The following PCSK5 variants were observed in gnomAD, a reference collection of about 807,000 sequenced individuals.
PCSK5 encodes prohormone convertase 5.
Under a neutral mutation model 233.2 loss-of-function variants are expected in PCSK5, and 129 were observed. The observed-to-expected ratio is 0.55, with a 90% confidence interval of 0.48 to 0.64. PCSK5 has a LOEUF of 0.64. Among genes scored for constraint, PCSK5 ranks in the 30% least tolerant of loss-of-function variants. The probability of loss-of-function intolerance (pLI) is 0.00; values close to 1 mark genes in which losing one functional copy is unlikely to be tolerated. For synonymous variants in PCSK5, 825 were observed against 879.2 expected (o/e 0.94, Z 1.09); for missense variants, 2,076 against 2,430.1 (o/e 0.85, Z 3.06).
Position 75,969,047 on chromosome 9 carries a change from C to T in PCSK5, c.298-17085C>T, listed in dbSNP as rs186845204. ...CCCTCTATGGCGGGGGGTGGGGGGG[C>T]GGTTCTGGCATCATCACAGCTGAGG... On this transcript the variant is annotated intron_variant, in intron 2 of 37. Coordinates refer to ENST00000674117, the MANE Select transcript of PCSK5 (RefSeq NM_001372043.1). Among the ~76,000 whole-genome samples the T allele has an allele frequency of 7.8e-3, 991 of 126,794 alleles. 9 individuals carry two copies. The highest frequency in any genetic ancestry group is 0.029 in the African/African-American group (942 of 32,986). 83.2% of individuals were successfully genotyped at this position (126,794 alleles called of 152,430 possible).
At chr9:76,323,019 C>CG (rs770150620) in intron 31 of PCSK5, 33 bp from the exon 32 acceptor site, 5 of 1,219,206 alleles carry the variant, frequency 4.1e-6, no homozygotes, top group Non-Finnish European at 5.9e-6. Flanking sequence ...TCCTACCCCC[C>CG]GGGGATAACT....
chr9:76,191,060 T>TA (rs1824351314), intron 20 of PCSK5, among the ~76,000 whole-genome samples: 2 of 145,812 alleles, frequency 1.4e-5, no homozygotes, highest in Non-Finnish European at 3.0e-5. Flanking sequence ...TGTGAACTTT[T>TA]TTGACTCTTG....
At chr9:75,952,168 T>C (rs1465723793) in intron 2 of PCSK5, among the ~76,000 whole-genome samples, 1 of 152,134 alleles carries the variant, frequency 6.6e-6, no homozygotes, top group Non-Finnish European at 1.5e-5. Flanking sequence ...TCCATCCACT[T>C]CCCCCTAAAT....
intron 3 of PCSK5, among the ~76,000 whole-genome samples, chr9:76,012,489 A>C (rs760870546): frequency 1.3e-5 from 2 of 152,134 alleles, no homozygotes; most frequent in East Asian, 3.9e-4. Flanking sequence ...GGTAATAATA[A>C]ATTATTGTTT....
chr9:76,209,056 C>G (rs998413538), intron 20 of PCSK5, among the ~76,000 whole-genome samples: 1 of 152,136 alleles, frequency 6.6e-6, no homozygotes, highest in Non-Finnish European at 1.5e-5. Context: ...GCCTGGGGAC[C>G]ACATGTCTAA....
chr9:76,013,490 T>A (rs1046776427), intron 3 of PCSK5, among the ~76,000 whole-genome samples: 1 of 152,216 alleles, frequency 6.6e-6, no homozygotes, highest in Non-Finnish European at 1.5e-5. Context: ...GTTCAGAAGT[T>A]CTGCAGAGTC....
rs1564196942 is a variant in PCSK5, at chr9:76,351,525, A to AAAG, written c.5067+600_5067+602dup. Among the ~76,000 whole-genome samples the AAAG allele has an allele frequency of 1.6e-5, 2 of 123,484 alleles. 1 individual carries two copies. The highest frequency in any genetic ancestry group is 5.9e-4 in the South Asian group (2 of 3,396). 81.0% of individuals were successfully genotyped at this position (123,484 alleles called of 152,430 possible). A position where few individuals can be genotyped will look rare whatever the true frequency, so the allele number is the denominator to read the frequency against. On this transcript the variant is annotated intron_variant, in intron 36 of 37. Coordinates refer to ENST00000674117, the MANE Select transcript of PCSK5 (RefSeq NM_001372043.1). ...GAAAGAAAGAAAGAAAGAAAGAAAG[A>AAAG]AAGAAAGGAAGGAAAGAAAGAGAAA...
intron 5 of PCSK5, among the ~76,000 whole-genome samples, chr9:76,032,008 T>C (rs1449552431): frequency 6.6e-6 from 1 of 152,186 alleles, no homozygotes; most frequent in African/African-American, 2.4e-5. Context: ...GTCTGCTTCC[T>C]TGGGGCTGGG....
chr9:76,276,960 G>A (rs1827711846), intron 24 of PCSK5, among the ~76,000 whole-genome samples: 1 of 152,110 alleles, frequency 6.6e-6, no homozygotes, highest in African/African-American at 2.4e-5. Flanking sequence ...GGGTGCAGTG[G>A]CTCACTCCTA....
chr9:76,034,086 G>A (rs1027714266), intron 5 of PCSK5, among the ~76,000 whole-genome samples: 9 of 152,082 alleles, frequency 5.9e-5, no homozygotes, highest in Admixed American at 1.3e-4. Context: ...CATTGTGTAG[G>A]TTCTGGGAAG....
intron 3 of PCSK5, among the ~76,000 whole-genome samples, chr9:76,003,354 T>A (rs1481936846): frequency 6.6e-6 from 1 of 152,142 alleles, no homozygotes; most frequent in African/African-American, 2.4e-5. Context: ...GCCTGGGCAA[T>A]AGAGCGAGAC....
At chr9:76,291,407 T>C (rs1828273927) in intron 24 of PCSK5, among the ~76,000 whole-genome samples, 1 of 152,204 alleles carries the variant, frequency 6.6e-6, no homozygotes, top group Non-Finnish European at 1.5e-5. Flanking sequence ...AACAGTTGTC[T>C]TTCATCTCCT....
In PCSK5 at chr9:75,966,996, A is replaced by G. The variant is rs955418392; in HGVS notation, c.298-19136A>G. ...TCTGGGTCACAGGTAGCCTTAGGAA[A>G]TAGTCTTCAAGGGGGGAAGGAGGTA... On this transcript the variant is annotated intron_variant, in intron 2 of 37. Coordinates refer to ENST00000674117, the MANE Select transcript of PCSK5 (RefSeq NM_001372043.1). Among the ~76,000 whole-genome samples, 3 of 152,216 alleles carry G rather than the reference A, an allele frequency of 2.0e-5. No homozygotes were observed. The East Asian group carries it at 5.8e-4, about 29-fold the overall frequency.
chr9:76,079,184 A>G (rs1055058796), intron 7 of PCSK5, among the ~76,000 whole-genome samples: 1 of 150,726 alleles, frequency 6.6e-6, no homozygotes, highest in Non-Finnish European at 1.5e-5. Flanking sequence ...GCTCACTGCA[A>G]CCTCCGCCTC....
intron 35 of PCSK5, among the ~76,000 whole-genome samples, chr9:76,349,343 GAGA>G (rs1830062425): frequency 6.6e-6 from 1 of 151,666 alleles, no homozygotes; most frequent in African/African-American, 2.4e-5. Context: ...ATGGAAATAG[GAGA>G]AGATTGATTC....
chr9:76,329,904 ATCAGTTGCAGAG>A (rs1460949134), intron 33 of PCSK5, among the ~76,000 whole-genome samples: 6 of 152,102 alleles, frequency 3.9e-5, no homozygotes, highest in African/African-American at 1.4e-4. Flanking sequence ...GTTGCCCGTG[ATCAGTTGCAGAG>A]TGTGCATGCT....
At chr9:76,300,472 T>C (rs570958081) in intron 27 of PCSK5, among the ~76,000 whole-genome samples, 2 of 152,332 alleles carry the variant, frequency 1.3e-5, no homozygotes, top group East Asian at 3.9e-4. Context: ...AAGTGGATTG[T>C]GAAACCATTG....
intron 6 of PCSK5, among the ~76,000 whole-genome samples, chr9:76,070,969 G>T (rs1021345255): frequency 6.6e-6 from 1 of 152,158 alleles, no homozygotes; most frequent in Non-Finnish European, 1.5e-5. Context: ...ATGCTTGGTT[G>T]TGGTTGTTTT....
At chr9:76,157,188 A>G in intron 11 of PCSK5, 26 bp downstream of exon 11, 2 of 1,484,424 alleles carry the variant, frequency 1.3e-6, no homozygotes, top group Non-Finnish European at 1.9e-6. Flanking sequence ...GGCAAACAGC[A>G]TGACAATGCC....
Sources: gnomAD v4.1 joint callset for allele counts (sites outside exome capture counted in the v4.1 genomes callset) on GRCh38, gnomAD v4.1.1 for gene constraint, MANE v1.5 for transcripts, NCBI Gene and HGNC (gene_info 2026-07-23, HGNC 2026-07-21) for gene names.